The following RPS26 variants were observed in gnomAD, a reference collection of about 807,000 sequenced individuals.
The protein encoded by RPS26 is ribosomal protein S26.
Under a neutral mutation model 14.7 loss-of-function variants are expected in RPS26, and 1 was observed. That is an observed-to-expected ratio of 0.07 (90% CI 0.02 to 0.32). The LOEUF (loss-of-function observed/expected upper bound fraction) is 0.32. Among genes scored for constraint, RPS26 ranks in the 10% least tolerant of loss-of-function variants. The pLI is 1.00. For synonymous variants in RPS26, 59 were observed against 53.1 expected (o/e 1.11, Z -0.48); for missense variants, 63 against 157.7 (o/e 0.40, Z 3.22).
Position 56,044,443 on chromosome 12 carries a change from A to C in RPS26, c.*289A>C, listed in dbSNP as rs1377975613. The C allele has an allele frequency of 5.7e-6, 2 of 350,652 alleles. No individual in the cohort carries two copies. The highest frequency in any genetic ancestry group is 1.0e-5 in the Non-Finnish European group (2 of 196,798). The allele number at this position is 350,652 out of a possible 1,614,324, so 21.7% of individuals were successfully genotyped here. On this transcript the variant is annotated 3_prime_UTR_variant, in exon 4 of 4. Coordinates refer to ENST00000646449, the MANE Select transcript of RPS26 (RefSeq NM_001029.5). ...ACTGCAACCTCCGTCTCCCGGGTTC[A>C]AGTGATTCTCCTGCCTCAGCTTCTT...
chr12:56,043,253 A>G (rs1895914526), intron 2 of RPS26, 110 bp from the exon 3 acceptor site: 1 of 1,099,304 alleles, frequency 9.1e-7, no homozygotes, highest in South Asian at 1.3e-5. Context: ...ACAGGCATTT[A>G]AATAGGTTTA....
At position 56,042,482 on chromosome 12, in the gene RPS26, A is replaced by G; in HGVS notation, c.61A>G (p.Ile21Val). 3.1e-6 allele frequency: 5 copies of G among 1,610,774 alleles called. No individual in the cohort carries two copies. The highest frequency in any genetic ancestry group is 4.2e-6 in the Non-Finnish European group (5 of 1,178,358). The change falls in exon 2 of 4, where the codon ATT becomes GTT. Residue 21 changes from isoleucine to valine, a missense_variant. Coordinates refer to ENST00000646449, the MANE Select transcript of RPS26 (RefSeq NM_001029.5). ...AKKGRGHVQP[I>V]RCTNCARCVP... ...AAAGGGCCGCGGCCACGTGCAGCCT[A>G]TTCGCTGCACTAACTGTGCCCGATG... is the stretch of plus-strand genomic sequence containing the variant.
intron 2 of RPS26, 25 bp from the exon 3 acceptor site, chr12:56,043,338 T>C (rs1895917227): frequency 6.2e-7 from 1 of 1,607,858 alleles, no homozygotes; most frequent in African/African-American, 1.3e-5. Flanking sequence ...ATAATACCAG[T>C]ATAACTCTAT....
At chr12:56,043,825 A>AT (rs397977517) in intron 3 of RPS26, among the ~76,000 whole-genome samples, 1 of 151,300 alleles carries the variant, frequency 6.6e-6, no homozygotes, top group Non-Finnish European at 1.5e-5. Context: ...AAAAAAAAAA[A>AT]GTTGCTTCCT....
At chr12:56,043,549 C>T (rs1895920812) in intron 3 of RPS26, 56 bp downstream of exon 3, 2 of 1,594,696 alleles carry the variant, frequency 1.3e-6, no homozygotes, top group Non-Finnish European at 8.6e-7. Flanking sequence ...AAATTTCATC[C>T]TGGAGGGTCA....
Position 56,042,491 on chromosome 12 carries a change from A to G in RPS26, c.70A>G (p.Thr24Ala). ...GRGHVQPIRC[T>A]NCARCVPKDK... The stretch of plus-strand genomic sequence containing the variant: ...CGGCCACGTGCAGCCTATTCGCTGC[A>G]CTAACTGTGCCCGATGCGTGCCCAA... The change falls in exon 2 of 4, where the codon ACT (threonine) becomes GCT (alanine). Residue 24 changes from threonine to alanine, a missense_variant. Transcript: ENST00000646449. 6.2e-6 allele frequency: 10 copies of G among 1,608,862 alleles called. No individual in the cohort carries two copies. Among genetic ancestry groups the G allele is most frequent in the East Asian group, 4.5e-5 (2 of 44,874 alleles).
In RPS26 at chr12:56,042,150, C is replaced by T. The variant is rs1352530254; in HGVS notation, c.-17C>T. 1 of 1,613,874 alleles carries T rather than the reference C, an allele frequency of 6.2e-7. No individual in the cohort carries two copies. The highest frequency in any genetic ancestry group is 1.7e-5 in the Admixed American group (1 of 59,992). ...CCTGCCAGGCACCGTCTCCTCTCTC[C>T]GGTCCGTGCCTCCAAGATGGTGAGT... On this transcript the variant is annotated 5_prime_UTR_variant, in exon 1 of 4. Transcript: ENST00000646449.
intron 3 of RPS26, 28 bp from the exon 4 acceptor site, chr12:56,044,090 AT>A: frequency 1.2e-6 from 2 of 1,608,872 alleles, no homozygotes; most frequent in Admixed American, 1.7e-5. Flanking sequence ...ATGGGTTTTA[AT>A]TTACTCTTTT....
rs1131017 is a variant in RPS26, at chr12:56,042,145, C to A, written c.-22C>A. The stretch of plus-strand genomic sequence containing the variant: ...AGGGCCCTGCCAGGCACCGTCTCCT[C>A]TCTCCGGTCCGTGCCTCCAAGATGG... On this transcript the variant is annotated 5_prime_UTR_variant, in exon 1 of 4. Coordinates refer to ENST00000646449, the MANE Select transcript of RPS26 (RefSeq NM_001029.5). 6.2e-7 allele frequency: 1 copy of A among 1,612,068 alleles called. No homozygotes were observed. Among genetic ancestry groups the A allele is most frequent in the Non-Finnish European group, 8.5e-7 (1 of 1,178,406 alleles).
In RPS26 at chr12:56,042,589, G is replaced by T. The variant is rs745910777; in HGVS notation, c.168G>T (p.Ala56=). Residue 56 remains alanine (A), a synonymous_variant, in exon 2 of 4, where the codon GCG becomes GCT. Transcript: ENST00000646449. ...EAAAVRDISE[A]SVFDAYVLPK... is the part of the protein sequence containing the mutation. ...CAGCAGTCAGGGACATTTCTGAAGCGAGCGTCTTCGATGGTAAGTGGGTCA... is the reference window on the plus strand; with the variant it reads ...CAGCAGTCAGGGACATTTCTGAAGCTAGCGTCTTCGATGGTAAGTGGGTCA... 20 of 1,598,508 alleles carry T rather than the reference G, an allele frequency of 1.3e-5. No homozygotes were observed. Among genetic ancestry groups the T allele is most frequent in the Non-Finnish European group, 1.7e-5 (20 of 1,179,782 alleles).
chr12:56,042,176 C>A lies in RPS26; in HGVS notation c.3+7C>A, dbSNP rs115750993. 6.2e-7 allele frequency: 1 copy of A among 1,614,070 alleles called. No homozygotes were observed. On this transcript the variant is annotated splice_region_variant and intron_variant, in intron 1 of 3. Transcript: ENST00000646449. ...GGTCCGTGCCTCCAAGATGGTGAGT[C>A]TTCTTGCGTGGTGAGGGTGGGGGTT...
rs1428147741 is a variant in RPS26, at chr12:56,043,488, C to A, written c.307C>A (p.Pro103Thr). The A allele has an allele frequency of 1.7e-5, 28 of 1,613,774 alleles. No individual in the cohort carries two copies. The highest frequency in any genetic ancestry group is 2.4e-5 in the Non-Finnish European group (28 of 1,179,906). ...CCGAACACCCCCACCCCGATTTAGA[C>A]CTGCGGTGAGTATTTTAAAAGGAGA... ...KDRTPPPRFR[P>T]AGAAPRPPPK... The change falls in exon 3 of 4, where the codon CCT becomes ACT. Residue 103 changes from proline (P) to threonine (T), a missense_variant. Coordinates refer to ENST00000646449, the MANE Select transcript of RPS26 (RefSeq NM_001029.5).
At position 56,041,958 on chromosome 12, in the gene RPS26, T is replaced by A. The variant is rs78108003; in HGVS notation, c.-209T>A. 1.7e-5 allele frequency: 11 copies of A among 660,966 alleles called. No homozygotes were observed. The highest frequency in any genetic ancestry group is 3.0e-5 in the Non-Finnish European group (11 of 364,314). 40.9% of individuals were successfully genotyped at this position (660,966 alleles called of 1,614,324 possible). A position where few individuals can be genotyped will look rare whatever the true frequency, so the allele number is the denominator to read the frequency against. On this transcript the variant is annotated 5_prime_UTR_variant, in exon 1 of 4. Transcript: ENST00000646449. ...TCCGGCTAAATAGTCCCATGTGCACTTTGTTCCATGGATAAATAAACACTA... is the reference window on the plus strand; with the variant it reads ...TCCGGCTAAATAGTCCCATGTGCACATTGTTCCATGGATAAATAAACACTA...
chr12:56,044,363 TTTGAGAC>T lies in RPS26; in HGVS notation c.*210_*216del. ...TTTTTTTCTTTTTTTTTTTTTTTTT[TTTGAGAC>T]GGAGTCTTTGTCGCCCAAGCTGAAT... is the stretch of plus-strand genomic sequence containing the variant. On this transcript the variant is annotated 3_prime_UTR_variant, in exon 4 of 4. Coordinates refer to ENST00000646449, the MANE Select transcript of RPS26 (RefSeq NM_001029.5). The T allele has an allele frequency of 2.2e-6, 1 of 445,262 alleles. No homozygotes were observed. 27.6% of individuals were successfully genotyped at this position (445,262 alleles called of 1,614,324 possible).
intron 2 of RPS26, chr12:56,042,811 T>C: frequency 1.6e-6 from 1 of 618,400 alleles, no homozygotes; most frequent in Non-Finnish European, 2.9e-6. Context: ...GCACAGCCTT[T>C]ACTCTGAGGT....
rs1895888989 is a variant in RPS26 at position 56,041,971 on chromosome 12, T to A, written c.-196T>A. ...TCCCATGTGCACTTTGTTCCATGGATAAATAAACACTAGGAACGCATTTCC... is the reference window on the plus strand; with the variant it reads ...TCCCATGTGCACTTTGTTCCATGGAAAAATAAACACTAGGAACGCATTTCC... On this transcript the variant is annotated 5_prime_UTR_variant, in exon 1 of 4. It removes the in-frame stop codon of an upstream open reading frame in the 5' UTR. Transcript: ENST00000646449. The A allele has an allele frequency of 1.5e-6, 1 of 678,630 alleles. No homozygotes were observed. The highest frequency in any genetic ancestry group is 1.8e-5 in the African/African-American group (1 of 56,868). 42.0% of individuals were successfully genotyped at this position (678,630 alleles called of 1,614,324 possible).
chr12:56,043,783 G>A (rs1895925303), intron 3 of RPS26, among the ~76,000 whole-genome samples: 1 of 151,522 alleles, frequency 6.6e-6, no homozygotes, highest in South Asian at 2.1e-4. Context: ...TTGCGCTCCA[G>A]CCAGGGCAAA....
Position 56,042,172 on chromosome 12 carries a change from G to T in RPS26, c.3+3G>T, listed in dbSNP as rs749637665. ...CTCCGGTCCGTGCCTCCAAGATGGT[G>T]AGTCTTCTTGCGTGGTGAGGGTGGG... On this transcript the variant is annotated splice_donor_region_variant and intron_variant, in intron 1 of 3. Coordinates refer to ENST00000646449, the MANE Select transcript of RPS26 (RefSeq NM_001029.5). The T allele has an allele frequency of 6.2e-7, 1 of 1,614,130 alleles. No individual in the cohort carries two copies. Among genetic ancestry groups the T allele is most frequent in the Non-Finnish European group, 8.5e-7 (1 of 1,180,016 alleles).
Position 56,042,074 on chromosome 12 carries a change from C to T in RPS26, c.-93C>T, listed in dbSNP as rs555702040. 1.6e-4 allele frequency: 219 copies of T among 1,343,496 alleles called. 3 individuals are homozygous for T. The South Asian group carries it at 2.5e-3, about 16-fold the overall frequency. 83.2% of individuals were successfully genotyped at this position (1,343,496 alleles called of 1,614,324 possible). A position where few individuals can be genotyped will look rare whatever the true frequency, so the allele number is the denominator to read the frequency against. ...AGTTGCCGTTCTTGAAGCCCGTCTC[C>T]TAAGGATTCTCCCGGTGTCCGCGTA... is the stretch of plus-strand genomic sequence containing the variant. On this transcript the variant is annotated 5_prime_UTR_variant, in exon 1 of 4. Coordinates refer to ENST00000646449, the MANE Select transcript of RPS26 (RefSeq NM_001029.5).
Sources: gnomAD v4.1 joint callset for allele counts (sites outside exome capture counted in the v4.1 genomes callset) on GRCh38, gnomAD v4.1.1 for gene constraint, MANE v1.5 for transcripts, NCBI Gene and HGNC (gene_info 2026-07-23, HGNC 2026-07-21) for gene names.